The following SPIDR variants were observed in gnomAD, a reference collection of about 807,000 sequenced individuals.
SPIDR encodes the protein scaffold protein involved in DNA repair.
Under a neutral mutation model 104.6 loss-of-function variants are expected in SPIDR, and 93 were observed. The observed-to-expected ratio is 0.89, with a 90% CI of 0.75 to 1.06. The LOEUF (loss-of-function observed/expected upper bound fraction) is 1.06. SPIDR is among the 50% of genes least tolerant of loss of function. The pLI is 0.00. For missense variants in SPIDR, 1,154 were observed against 1,111.2 expected, an observed-to-expected ratio of 1.04 and a Z score of -0.55; for synonymous variants, 431 against 416.9, an observed-to-expected ratio of 1.03 and a Z score of -0.41.
intron 1 of SPIDR, among the ~76,000 whole-genome samples, chr8:47,267,314 G>T (rs1002118121): frequency 6.6e-6 from 1 of 152,070 alleles, no homozygotes; most frequent in Non-Finnish European, 1.5e-5. Context: ...GTGAGCCATC[G>T]CACCTGGCCT....
At chr8:47,300,662 G>A (rs782233784) in intron 5 of SPIDR, among the ~76,000 whole-genome samples, 4 of 152,084 alleles carry the variant, frequency 2.6e-5, no homozygotes, top group Non-Finnish European at 4.4e-5. Context: ...TGTTCTTGTT[G>A]GTTTCCAAGA....
At chr8:47,442,439 G>GT (rs1201085838) in intron 8 of SPIDR, among the ~76,000 whole-genome samples, 27 of 152,128 alleles carry the variant, frequency 1.8e-4, no homozygotes, top group African/African-American at 6.0e-4. Flanking sequence ...AGATTGATAG[G>GT]TTTTTTAGGG....
intron 5 of SPIDR, among the ~76,000 whole-genome samples, chr8:47,345,231 A>G (rs1457284750): frequency 3.3e-5 from 5 of 152,118 alleles, no homozygotes; most frequent in Non-Finnish European, 7.4e-5. Flanking sequence ...TCCTTTCCCC[A>G]TTTCTTGTTT....
intron 10 of SPIDR, among the ~76,000 whole-genome samples, chr8:47,664,748 A>AG (rs2074660635): frequency 6.7e-6 from 1 of 149,624 alleles, no homozygotes; most frequent in Non-Finnish European, 1.5e-5. Context: ...CTCTACAAAA[A>AG]AAAAAAAAAA....
intron 5 of SPIDR, among the ~76,000 whole-genome samples, chr8:47,341,853 C>G (rs1199566815): frequency 6.6e-6 from 1 of 152,174 alleles, no homozygotes; most frequent in African/African-American, 2.4e-5. Flanking sequence ...GCAGCACTAT[C>G]TGGCTTGGCA....
At chr8:47,658,942 CAAAAAAA>C (rs772463596) in intron 10 of SPIDR, among the ~76,000 whole-genome samples, 1 of 71,988 alleles carries the variant, frequency 1.4e-5, no homozygotes, top group East Asian at 4.3e-4. Context: ...ATCTCCATCT[CAAAAAAA>C]AAAAAAAAAA....
At chr8:47,359,733 T>G (rs181465859) in intron 5 of SPIDR, among the ~76,000 whole-genome samples, 2 of 152,326 alleles carry the variant, frequency 1.3e-5, no homozygotes, top group East Asian at 1.9e-4. Flanking sequence ...CTGTGTGTTA[T>G]GATTGTTTTT....
chr8:47,511,981 T>C, intron 8 of SPIDR: 1 of 789,522 alleles, frequency 1.3e-6, no homozygotes, highest in Non-Finnish European at 2.3e-6. Context: ...GGGGGTTGCC[T>C]GTGAAATGGT....
At chr8:47,336,587 C>G (rs1268722085) in intron 5 of SPIDR, among the ~76,000 whole-genome samples, 1 of 152,166 alleles carries the variant, frequency 6.6e-6, no homozygotes, top group African/African-American at 2.4e-5. Context: ...ATGTGGTGAT[C>G]TGGTGAATTT....
intron 16 of SPIDR, among the ~76,000 whole-genome samples, chr8:47,722,363 C>T (rs1313727316): frequency 6.6e-6 from 1 of 151,672 alleles, no homozygotes; most frequent in African/African-American, 2.4e-5. Context: ...ATTTTATTTT[C>T]TTGTCTTACT....
chr8:47,391,246 T>G (rs1481581411), intron 5 of SPIDR, among the ~76,000 whole-genome samples: 1 of 152,082 alleles, frequency 6.6e-6, no homozygotes, highest in Non-Finnish European at 1.5e-5. Context: ...CTGTTAGAAA[T>G]GACTACATGG....
Position 47,554,345 on chromosome 8 carries a change from C to G in SPIDR, c.1098-41466C>G, listed in dbSNP as rs374816875. Among the ~76,000 whole-genome samples, 579 of 152,344 alleles carry G rather than the reference C, an allele frequency of 3.8e-3. 3 individuals carry two copies. The highest frequency in any genetic ancestry group is 0.022 in the South Asian group (108 of 4,826). Reference sequence around the variant, plus strand: ...CTTTTGTTCAGCTATGCCCTGCCCCCAGAGGTGGAATCTGCATAAGCAGGC... The same window carrying G: ...CTTTTGTTCAGCTATGCCCTGCCCCGAGAGGTGGAATCTGCATAAGCAGGC... On this transcript the variant is annotated intron_variant, in intron 8 of 19. Transcript: ENST00000297423.
intron 3 of SPIDR, among the ~76,000 whole-genome samples, chr8:47,290,335 A>T (rs895633049): frequency 2.0e-5 from 3 of 152,160 alleles, no homozygotes; most frequent in African/African-American, 7.2e-5. Context: ...GAGTTCAGGG[A>T]TTGGTATGGG....
intron 5 of SPIDR, among the ~76,000 whole-genome samples, chr8:47,328,736 A>T (rs1351909853): frequency 1.3e-5 from 2 of 152,094 alleles, no homozygotes; most frequent in African/African-American, 2.4e-5. Context: ...GGCTGGGTTA[A>T]TTTATGTACA....
At chr8:47,712,444 G>A (rs1217961891) in intron 14 of SPIDR, among the ~76,000 whole-genome samples, 2 of 152,188 alleles carry the variant, frequency 1.3e-5, no homozygotes, top group African/African-American at 4.8e-5. Flanking sequence ...GGGAAGGGTG[G>A]CCTGTTCCCA....
At chr8:47,467,854 C>T (rs924736905) in intron 8 of SPIDR, among the ~76,000 whole-genome samples, 22 of 152,200 alleles carry the variant, frequency 1.4e-4, no homozygotes, top group African/African-American at 5.1e-4. Flanking sequence ...AAGCCCTGGC[C>T]AGGACAGTCA....
At chr8:47,438,069 G>A (rs148306673) in intron 7 of SPIDR, among the ~76,000 whole-genome samples, 20 of 152,372 alleles carry the variant, frequency 1.3e-4, no homozygotes, top group African/African-American at 4.8e-4. Context: ...AGCTGCCCAA[G>A]ACAAGAATTA....
At chr8:47,701,421 C>G (rs1170397662) in intron 12 of SPIDR, among the ~76,000 whole-genome samples, 9 of 151,988 alleles carry the variant, frequency 5.9e-5, no homozygotes, top group Admixed American at 2.0e-4. Context: ...GAGTGCAACT[C>G]TGTCTCAAAA....
chr8:47,288,512 C>G (rs1037121758), intron 3 of SPIDR, among the ~76,000 whole-genome samples: 18 of 152,294 alleles, frequency 1.2e-4, no homozygotes, highest in African/African-American at 4.3e-4. Context: ...TCTTGAACTT[C>G]TGACCTCGTG....
Sources: allele counts gnomAD v4.1 joint callset (sites outside exome capture counted in the v4.1 genomes callset), GRCh38; gene constraint gnomAD v4.1.1; transcripts MANE v1.5; gene names NCBI Gene and HGNC (gene_info 2026-07-23, HGNC 2026-07-21).